Variants in NXPH1 observed in about 807,000 individuals in gnomAD.
The protein encoded by NXPH1 is neurexophilin 1.
NXPH1 carries 5 observed loss-of-function variants against 23.7 expected under a neutral mutation model. That is an observed-to-expected ratio of 0.21 (90% CI 0.11 to 0.44). NXPH1 has a LOEUF of 0.44. NXPH1 is among the 20% of genes least tolerant of loss of function. The pLI, the probability that NXPH1 is intolerant of heterozygous loss-of-function variation, is 0.99. For missense variants in NXPH1, 324 were observed against 321.6 expected (o/e 1.01, Z -0.06); for synonymous variants, 144 against 122.2 (o/e 1.18, Z -1.18).
chr7:8,572,531 T>A (rs990263445), intron 2 of NXPH1, among the ~76,000 whole-genome samples: 1 of 151,940 alleles, frequency 6.6e-6, no homozygotes, highest in African/African-American at 2.4e-5. Context: ...AGTCTATTAT[T>A]AAGGTGTAAG....
In NXPH1 at chr7:8,587,032, G is replaced by A. The variant is rs921777609; in HGVS notation, c.54+151265G>A. On this transcript the variant is annotated intron_variant, in intron 2 of 2. Coordinates refer to ENST00000405863, the MANE Select transcript of NXPH1 (RefSeq NM_152745.3). ...ATAAAAATGGGATCATGCTATACCC[G>A]CTTATAAATTATATTCTCTATTATT... 9.2e-5 allele frequency among the ~76,000 whole-genome samples: 14 copies of A among 151,952 alleles called. 1 individual carries two copies. The highest frequency in any genetic ancestry group is 5.8e-4 in the East Asian group (3 of 5,176).
intron 2 of NXPH1, among the ~76,000 whole-genome samples, chr7:8,513,729 C>T (rs996703541): frequency 6.6e-6 from 1 of 152,056 alleles, no homozygotes; most frequent in Non-Finnish European, 1.5e-5. Flanking sequence ...TCCCTTTGAG[C>T]TCTCCACTAA....
intron 2 of NXPH1, among the ~76,000 whole-genome samples, chr7:8,499,205 A>G (rs1408295228): frequency 6.6e-6 from 1 of 152,078 alleles, no homozygotes; most frequent in Non-Finnish European, 1.5e-5. Flanking sequence ...AAAGTACTTT[A>G]AAGTCTCTTC....
intron 2 of NXPH1, among the ~76,000 whole-genome samples, chr7:8,681,716 A>T (rs1821052148): frequency 1.3e-5 from 2 of 152,222 alleles, no homozygotes; most frequent in Admixed American, 1.3e-4. Context: ...CTGCATTACA[A>T]AGTTTATGTT....
At chr7:8,550,505 C>T (rs1818261990) in intron 2 of NXPH1, among the ~76,000 whole-genome samples, 1 of 151,498 alleles carries the variant, frequency 6.6e-6, no homozygotes, top group African/African-American at 2.4e-5. Flanking sequence ...CCTATAAAGT[C>T]TTCCCATGAC....
chr7:8,609,021 C>T (rs1014149161), intron 2 of NXPH1, among the ~76,000 whole-genome samples: 10 of 152,086 alleles, frequency 6.6e-5, no homozygotes, highest in African/African-American at 9.7e-5. Flanking sequence ...CAAATTTTAT[C>T]CCAGCTTAAA....
intron 2 of NXPH1, among the ~76,000 whole-genome samples, chr7:8,746,998 T>TA (rs1780480958): frequency 6.6e-6 from 1 of 152,072 alleles, no homozygotes; most frequent in African/African-American, 2.4e-5. Flanking sequence ...GATTCAGAGG[T>TA]AAAAATATCT....
intron 2 of NXPH1, among the ~76,000 whole-genome samples, chr7:8,443,635 G>A (rs999367535): frequency 4.6e-5 from 7 of 152,214 alleles, no homozygotes; most frequent in Non-Finnish European, 8.8e-5. Context: ...AATTATTCAC[G>A]GGGAGCAGGA....
intron 2 of NXPH1, among the ~76,000 whole-genome samples, chr7:8,446,746 A>G (rs1177644058): frequency 1.3e-5 from 2 of 151,812 alleles, no homozygotes; most frequent in African/African-American, 4.8e-5. Flanking sequence ...TTCCACTATG[A>G]TTTCCTTTTT....
intron 2 of NXPH1, among the ~76,000 whole-genome samples, chr7:8,582,831 A>T (rs1415063739): frequency 6.6e-6 from 1 of 152,116 alleles, no homozygotes; most frequent in Non-Finnish European, 1.5e-5. Context: ...GTGGAGCTTC[A>T]CTAGGGACCC....
chr7:8,701,315 C>T (rs879316900), intron 2 of NXPH1, among the ~76,000 whole-genome samples: 14 of 151,978 alleles, frequency 9.2e-5, no homozygotes, highest in Non-Finnish European at 1.8e-4. Flanking sequence ...TCCTTCTTTC[C>T]ATAGAACCCA....
intron 2 of NXPH1, among the ~76,000 whole-genome samples, chr7:8,478,486 G>T (rs932706417): frequency 1.3e-5 from 2 of 151,960 alleles, no homozygotes; most frequent in Non-Finnish European, 2.9e-5. Flanking sequence ...CAAATTTTAA[G>T]ATCAAAAAGA....
intron 2 of NXPH1, among the ~76,000 whole-genome samples, chr7:8,706,709 G>A (rs940720819): frequency 4.6e-5 from 7 of 152,072 alleles, no homozygotes; most frequent in Non-Finnish European, 7.4e-5. Flanking sequence ...TCAACAACAC[G>A]AATATTCCCT....
intron 2 of NXPH1, among the ~76,000 whole-genome samples, chr7:8,492,317 T>C (rs539757437): frequency 6.6e-6 from 1 of 152,046 alleles, no homozygotes; most frequent in Non-Finnish European, 1.5e-5. Flanking sequence ...TACAGGGTGA[T>C]GAATACTAAA....
At chr7:8,691,166 A>T (rs1357516770) in intron 2 of NXPH1, among the ~76,000 whole-genome samples, 2 of 151,604 alleles carry the variant, frequency 1.3e-5, no homozygotes, top group African/African-American at 4.9e-5. Flanking sequence ...TTTTTTTGAG[A>T]TGGAGTTTTA....
chr7:8,730,532 C>G (rs543805405), intron 2 of NXPH1, among the ~76,000 whole-genome samples: 1,876 of 151,718 alleles, frequency 0.012, 42 homozygotes, highest in African/African-American at 0.043. Flanking sequence ...TTAGGGCAGG[C>G]CTGGTGGTGA....
At chr7:8,492,637 T>C (rs1037431201) in intron 2 of NXPH1, among the ~76,000 whole-genome samples, 1 of 152,022 alleles carries the variant, frequency 6.6e-6, no homozygotes, top group Non-Finnish European at 1.5e-5. Context: ...TAATATGTTA[T>C]ACACATGGAA....
At chr7:8,457,823 C>G (rs1392126133) in intron 2 of NXPH1, among the ~76,000 whole-genome samples, 1 of 152,034 alleles carries the variant, frequency 6.6e-6, no homozygotes, top group African/African-American at 2.4e-5. Context: ...TTTCTGTCAT[C>G]TTTGTTGCCA....
chr7:8,621,785 A>C (rs1034911627), intron 2 of NXPH1, among the ~76,000 whole-genome samples: 1 of 152,108 alleles, frequency 6.6e-6, no homozygotes, highest in Non-Finnish European at 1.5e-5. Flanking sequence ...CACTTACTAC[A>C]TACATGACAT....
Sources: gnomAD v4.1 joint callset for allele counts (sites outside exome capture counted in the v4.1 genomes callset) on GRCh38, gnomAD v4.1.1 for gene constraint, MANE v1.5 for transcripts, NCBI Gene and HGNC (gene_info 2026-07-23, HGNC 2026-07-21) for gene names.